Variants in BRSK2 observed in about 807,000 individuals in gnomAD.
BRSK2 encodes the protein BR serine/threonine kinase 2.
Under a neutral mutation model 83.3 loss-of-function variants are expected in BRSK2, and 19 were observed. That is an observed-to-expected ratio of 0.23 (90% CI 0.16 to 0.33). The LOEUF (loss-of-function observed/expected upper bound fraction) is 0.33. Ranked by LOEUF, BRSK2 falls within the 10% of genes least tolerant of loss-of-function variation. BRSK2 has a pLI of 1.00. For synonymous variants in BRSK2, 519 were observed against 435.4 expected, an observed-to-expected ratio of 1.19 and a Z score of -2.39; for missense variants, 798 against 1,042.3, an observed-to-expected ratio of 0.77 and a Z score of 3.23.
intron 15 of BRSK2, among the ~76,000 whole-genome samples, chr11:1,452,059 A>G (rs1052649040): frequency 1.3e-5 from 2 of 152,160 alleles, no homozygotes; most frequent in Non-Finnish European, 2.9e-5. Context: ...CGGTGTACAC[A>G]TATGAGCCTG....
chr11:1,398,469 G>A (rs1405550984), intron 1 of BRSK2, among the ~76,000 whole-genome samples: 1 of 152,150 alleles, frequency 6.6e-6, no homozygotes, highest in African/African-American at 2.4e-5. Context: ...AGGCGCCTTG[G>A]CCCTGCCCCC....
At chr11:1,415,626 C>T (rs1220400564) in intron 1 of BRSK2, among the ~76,000 whole-genome samples, 1 of 152,188 alleles carries the variant, frequency 6.6e-6, no homozygotes, top group East Asian at 1.9e-4. Flanking sequence ...TTTTTTAAGG[C>T]CCCACAGAAA....
rs1420432826 is a variant in BRSK2 at position 1,449,829 on chromosome 11, GC to G, written c.1285del (p.Arg429GlyfsTer2). On this transcript the variant is annotated frameshift_variant, in exon 13 of 20. Coordinates refer to ENST00000528841, the MANE Select transcript of BRSK2 (RefSeq NM_001256627.2). LOFTEE classifies it high-confidence loss of function. ...GGCCTTTCCACCAGCCCACTCAGCA[GC>G]CCCCGGGTGAGTGACCCCCCGCCCC... is the stretch of plus-strand genomic sequence containing the variant. Reference protein sequence around the residue: ...SSGLSTSPLSSPRVTPHPSPR... With the variant: ...SSGLSTSPLSXPRVTPHPSPR... 6.2e-7 allele frequency: 1 copy of G among 1,611,032 alleles called. No individual in the cohort carries two copies. Among genetic ancestry groups the G allele is most frequent in the Non-Finnish European group, 8.5e-7 (1 of 1,178,782 alleles).
intron 12 of BRSK2, among the ~76,000 whole-genome samples, chr11:1,447,527 G>A (rs896552783): frequency 6.6e-6 from 1 of 152,208 alleles, no homozygotes; most frequent in Non-Finnish European, 1.5e-5. Context: ...GCAGCCAGCA[G>A]AGACCCAGCT....
At chr11:1,450,897 A>G in intron 14 of BRSK2, 103 bp downstream of exon 14, 1 of 1,173,634 alleles carries the variant, frequency 8.5e-7, no homozygotes, top group Non-Finnish European at 1.2e-6. Flanking sequence ...AGGGGCCTGT[A>G]GCTGCAGGGG....
chr11:1,398,685 G>T (rs921312033), intron 1 of BRSK2, among the ~76,000 whole-genome samples: 1 of 152,198 alleles, frequency 6.6e-6, no homozygotes, highest in Non-Finnish European at 1.5e-5. Context: ...CAGACAGGAG[G>T]CGGTGGCCCC....
chr11:1,409,820 C>G (rs1474024135), intron 1 of BRSK2: 1 of 152,096 alleles, frequency 6.6e-6, no homozygotes, highest in East Asian at 1.9e-4. Flanking sequence ...TCTGAGCGCA[C>G]CAGCGGCTCC....
At chr11:1,401,342 T>G (rs901997039) in intron 1 of BRSK2, among the ~76,000 whole-genome samples, 1 of 152,116 alleles carries the variant, frequency 6.6e-6, no homozygotes, top group African/African-American at 2.4e-5. Context: ...ACGCCCGGGG[T>G]GCGGGTGCCC....
At chr11:1,444,828 T>TCCCCCCCCTCCCCC in intron 8 of BRSK2, 143 bp from the exon 9 acceptor site, 1 of 728,618 alleles carries the variant, frequency 1.4e-6, no homozygotes, top group African/African-American at 1.8e-5. Context: ...CCTATCTTCC[T>TCCCCCCCCTCCCCC]CCCCACCTTC....
intron 18 of BRSK2, chr11:1,457,149 G>C: frequency 8.9e-7 from 1 of 1,126,988 alleles, no homozygotes; most frequent in Non-Finnish European, 1.2e-6. Flanking sequence ...CCACCCACAG[G>C]TCTCGGCCCT....
chr11:1,450,612 G>A lies in BRSK2; in HGVS notation c.1313G>A (p.Gly438Asp). The A allele has an allele frequency of 6.3e-7, 1 of 1,592,046 alleles. No homozygotes were observed. The change falls in exon 14 of 20, where the codon GGC (glycine) becomes GAC (aspartate). Residue 438 changes from glycine (G) to aspartate (D), a missense_variant. Physicochemically the swap from Gly to Asp is moderately conservative, Grantham distance 94. Around this residue, in one of 6 missense-constraint regions of BRSK2, gnomAD observed 455 missense variants for 455.2 expected, o/e 1.00. Coordinates refer to ENST00000528841, the MANE Select transcript of BRSK2 (RefSeq NM_001256627.2). ...PRVTPHPSPRGSPLPTPKGTP... is the reference protein window; with the variant it reads ...PRVTPHPSPRDSPLPTPKGTP... ...GTGACCCCTCACCCCTCACCAAGGGGCAGTCCCCTCCCCACCCCCAAGGGG... is the reference window on the plus strand; with the variant it reads ...GTGACCCCTCACCCCTCACCAAGGGACAGTCCCCTCCCCACCCCCAAGGGG...
chr11:1,452,623 G>A (rs1002187009), intron 15 of BRSK2, among the ~76,000 whole-genome samples: 5 of 150,198 alleles, frequency 3.3e-5, no homozygotes, highest in African/African-American at 9.8e-5. Flanking sequence ...CCAAGGGCCC[G>A]GCACAGACAC....
chr11:1,407,891 G>C (rs1847012979), intron 1 of BRSK2, among the ~76,000 whole-genome samples: 1 of 152,184 alleles, frequency 6.6e-6, no homozygotes, highest in African/African-American at 2.4e-5. Flanking sequence ...TGTGCCCTCA[G>C]ATCCACAGCC....
chr11:1,405,870 C>T lies in BRSK2; in HGVS notation c.91+15495C>T, dbSNP rs866130554. On this transcript the variant is annotated intron_variant, in intron 1 of 19. Coordinates refer to ENST00000528841, the MANE Select transcript of BRSK2 (RefSeq NM_001256627.2). ...CCCCTGCTCCTTGGCCCCGCAGGCC[C>T]CACACCCCTTGCCGAGTGATTGGCC... Among the ~76,000 whole-genome samples the T allele has an allele frequency of 3.9e-5, 6 of 152,278 alleles. No individual in the cohort carries two copies. In the Middle Eastern group the frequency reaches 0.017, roughly 432 times the overall value.
At chr11:1,414,551 AT>A (rs1351597580) in intron 1 of BRSK2, among the ~76,000 whole-genome samples, 7 of 152,232 alleles carry the variant, frequency 4.6e-5, no homozygotes, top group African/African-American at 1.7e-4. Flanking sequence ...AATGGCATGT[AT>A]TTTATCACTG....
rs917672420 is a variant in BRSK2 at position 1,438,859 on chromosome 11, GAA to G, written c.272+470_272+471del. The stretch of plus-strand genomic sequence containing the variant: ...GGCTGGACCGTGGCTGAGTGTGGCT[GAA>G]AGTGTCACCTCCGCAGCCGCTGAGG... On this transcript the variant is annotated intron_variant, in intron 3 of 19. Coordinates refer to ENST00000528841, the MANE Select transcript of BRSK2 (RefSeq NM_001256627.2). The surrounding 1 kb of genome is among the most constrained non-coding windows in gnomAD (Gnocchi z 6.4). Among the ~76,000 whole-genome samples, 1 of 152,202 alleles carries G rather than the reference GAA, an allele frequency of 6.6e-6. No homozygotes were observed. The highest frequency in any genetic ancestry group is 2.4e-5 in the African/African-American group (1 of 41,456).
Position 1,445,418 on chromosome 11 carries a change from CGAGACCGCAACAAGCTGCTGCA to C in BRSK2, c.939_960del (p.Asp314ThrfsTer12). On this transcript the variant is annotated frameshift_variant, in exon 10 of 20. Transcript: ENST00000528841. LOFTEE classifies it high-confidence loss of function. ...CAGCATGCACTCACTGGGCTGCTTC[CGAGACCGCAACAAGCTGCTGCA>C]GGACCTGCTGTCCGAGGAGTGCGTC... The C allele has an allele frequency of 6.2e-7, 1 of 1,611,916 alleles. No homozygotes were observed.
chr11:1,425,835 T>C (rs1849150394), intron 1 of BRSK2, among the ~76,000 whole-genome samples: 1 of 152,032 alleles, frequency 6.6e-6, no homozygotes, highest in South Asian at 2.1e-4. Flanking sequence ...AGATGTGCAC[T>C]GTGGAGATGG....
Position 1,423,481 on chromosome 11 carries a change from A to G in BRSK2, c.92-12559A>G, listed in dbSNP as rs918151092. Reference sequence around the variant, plus strand: ...GTGGTTCTGGAATTTGAGGTGCCTTAGGAGGTTCATGATGAAGGATGCGGC... The same window carrying G: ...GTGGTTCTGGAATTTGAGGTGCCTTGGGAGGTTCATGATGAAGGATGCGGC... On this transcript the variant is annotated intron_variant, in intron 1 of 19. Transcript: ENST00000528841. The surrounding 1 kb of genome is among the most constrained non-coding windows in gnomAD (Gnocchi z 6.5). Among the ~76,000 whole-genome samples, 89 of 152,046 alleles carry G rather than the reference A, an allele frequency of 5.9e-4. No homozygotes were observed. Among genetic ancestry groups the G allele is most frequent in the Admixed American group, 1.4e-3 (22 of 15,272 alleles).
Sources: allele counts gnomAD v4.1 joint callset (sites outside exome capture counted in the v4.1 genomes callset), GRCh38; gene constraint gnomAD v4.1.1; regional missense constraint gnomAD v4.1.1; non-coding constraint Gnocchi (gnomAD v3.1); transcripts MANE v1.5; gene names NCBI Gene and HGNC (gene_info 2026-07-23, HGNC 2026-07-21).